The following PDE11A variants were observed in gnomAD, a reference collection of about 807,000 sequenced individuals.
PDE11A encodes dual 3',5'-cyclic-AMP and -GMP phosphodiesterase 11A.
PDE11A carries 100 observed loss-of-function variants against 100.5 expected under a neutral mutation model. That is an observed-to-expected ratio of 1.00 (90% CI 0.85 to 1.18). The LOEUF (loss-of-function observed/expected upper bound fraction) is 1.18, where lower values mean the gene tolerates loss of function less well. PDE11A is among the 50% of genes most tolerant of loss of function. The pLI, the probability that PDE11A is intolerant of heterozygous loss-of-function variation, is 0.00. For missense variants in PDE11A, 1,141 were observed against 1,152.6 expected, an observed-to-expected ratio of 0.99 and a Z score of 0.15; for synonymous variants, 381 against 420.8, an observed-to-expected ratio of 0.91 and a Z score of 1.16.
At chr2:177,838,897 T>A (rs891840380) in intron 6 of PDE11A, among the ~76,000 whole-genome samples, 9 of 152,086 alleles carry the variant, frequency 5.9e-5, no homozygotes, top group Non-Finnish European at 1.3e-4. Flanking sequence ...ATTTAGTGTA[T>A]AAAAACTGAG....
intron 19 of PDE11A, among the ~76,000 whole-genome samples, chr2:177,647,369 C>T (rs577482455): frequency 2.0e-5 from 3 of 152,080 alleles, no homozygotes; most frequent in South Asian, 2.1e-4. Context: ...TTTACAAATA[C>T]AGAATTGCCA....
At chr2:177,857,584 T>A (rs1304607226) in intron 5 of PDE11A, among the ~76,000 whole-genome samples, 1 of 151,958 alleles carries the variant, frequency 6.6e-6, no homozygotes, top group Non-Finnish European at 1.5e-5. Context: ...TTTTGTATAC[T>A]ATGGATACAA....
At chr2:177,727,023 A>G (rs1032586478) in intron 12 of PDE11A, among the ~76,000 whole-genome samples, 1 of 152,116 alleles carries the variant, frequency 6.6e-6, no homozygotes, top group Non-Finnish European at 1.5e-5. Context: ...GATTTGTTTC[A>G]ATATTTGCCA....
rs2079852676 is a variant in PDE11A at position 177,627,338 on chromosome 2, T to C, written c.*2069A>G. 6.6e-6 allele frequency: 1 copy of C among 151,876 alleles called. No individual in the cohort carries two copies. The highest frequency in any genetic ancestry group is 2.1e-4 in the South Asian group (1 of 4,770). The allele number at this position is 151,876 out of a possible 1,614,324, so 9.4% of individuals were successfully genotyped here. On this transcript the variant is annotated 3_prime_UTR_variant, in exon 20 of 20. Coordinates refer to ENST00000286063, the MANE Select transcript of PDE11A (RefSeq NM_016953.4). ...GGCGTGAGCCACCGCGCCCGGTCTA[T>C]ACATTTCTTTTACTTTGTTTCTTGC...
intron 9 of PDE11A, among the ~76,000 whole-genome samples, chr2:177,774,708 C>A (rs191716167): frequency 6.6e-6 from 1 of 152,282 alleles, no homozygotes; most frequent in Non-Finnish European, 1.5e-5. Flanking sequence ...TATTCGTCTG[C>A]CTACATTACT....
At chr2:178,001,644 T>A (rs1342101364) in intron 2 of PDE11A, among the ~76,000 whole-genome samples, 1 of 152,214 alleles carries the variant, frequency 6.6e-6, no homozygotes, top group African/African-American at 2.4e-5. Context: ...AGTTCCAAAC[T>A]TGTTTCCTTA....
At chr2:177,987,551 C>T (rs907377483) in intron 2 of PDE11A, among the ~76,000 whole-genome samples, 2 of 152,198 alleles carry the variant, frequency 1.3e-5, no homozygotes, top group African/African-American at 4.8e-5. Context: ...CAGTGAGCCA[C>T]TCCACACTTT....
chr2:177,902,377 C>T (rs2084711012), intron 3 of PDE11A, among the ~76,000 whole-genome samples: 2 of 152,196 alleles, frequency 1.3e-5, no homozygotes, highest in South Asian at 4.1e-4. Flanking sequence ...CCTGCCTGCA[C>T]CCAGGTGAAA....
chr2:177,850,728 T>C (rs1487942554), intron 5 of PDE11A, among the ~76,000 whole-genome samples: 1 of 152,128 alleles, frequency 6.6e-6, no homozygotes, highest in African/African-American at 2.4e-5. Context: ...GGGCGAAGGA[T>C]ATGAACAGAC....
intron 7 of PDE11A, 64 bp from the exon 8 acceptor site, chr2:177,817,989 G>C: frequency 2.4e-6 from 2 of 816,508 alleles, no homozygotes; most frequent in Middle Eastern, 2.2e-4. Context: ...CTCTAATAGA[G>C]TAGCCACAGC....
At chr2:178,040,061 CT>C (rs5836641) in intron 1 of PDE11A, among the ~76,000 whole-genome samples, 2,332 of 109,688 alleles carry the variant, frequency 0.021, 22 homozygotes, top group African/African-American at 0.056. Flanking sequence ...AATGTAGTGG[CT>C]TTTTTTTTTT....
chr2:177,647,850 T>C (rs148758352), intron 19 of PDE11A, among the ~76,000 whole-genome samples: 495 of 152,322 alleles, frequency 3.2e-3, no homozygotes, highest in African/African-American at 0.011. Flanking sequence ...CCAACCTCAG[T>C]AGCTCATGCC....
intron 17 of PDE11A, 35 bp from the exon 18 acceptor site, chr2:177,669,602 T>C: frequency 1.1e-6 from 1 of 920,572 alleles, no homozygotes; most frequent in Non-Finnish European, 1.8e-6. Flanking sequence ...TGTGATTATG[T>C]GTAGTTTATC....
chr2:177,832,357 C>T (rs920183942), intron 6 of PDE11A, among the ~76,000 whole-genome samples: 3 of 152,122 alleles, frequency 2.0e-5, no homozygotes, highest in Admixed American at 6.6e-5. Context: ...ATAAAGCAGG[C>T]ATAAAAATGT....
chr2:177,634,495 T>G (rs1057488800), intron 19 of PDE11A, among the ~76,000 whole-genome samples: 1 of 151,848 alleles, frequency 6.6e-6, no homozygotes, highest in Non-Finnish European at 1.5e-5. Flanking sequence ...TTCAAGCGAT[T>G]CTCTTGCTCA....
At chr2:177,695,485 A>T (rs1404643200) in intron 15 of PDE11A, among the ~76,000 whole-genome samples, 1 of 152,146 alleles carries the variant, frequency 6.6e-6, no homozygotes, top group Non-Finnish European at 1.5e-5. Flanking sequence ...CTGTACTTCT[A>T]CTTGCTAAAT....
chr2:178,071,127 C>G (rs1051829920), intron 1 of PDE11A, among the ~76,000 whole-genome samples: 3 of 152,178 alleles, frequency 2.0e-5, no homozygotes, highest in African/African-American at 4.8e-5. Flanking sequence ...CACCAAAATG[C>G]TCATCTTAAC....
At chr2:177,863,717 AG>A (rs35303018) in intron 5 of PDE11A, among the ~76,000 whole-genome samples, 82,685 of 151,708 alleles carry the variant, frequency 0.55, 24,538 homozygotes, top group East Asian at 0.74. Flanking sequence ...TGTGGAGAAA[AG>A]AGAACTCTTT....
At chr2:177,979,972 T>A (rs953821038) in intron 2 of PDE11A, among the ~76,000 whole-genome samples, 1 of 150,542 alleles carries the variant, frequency 6.6e-6, no homozygotes, top group African/African-American at 2.4e-5. Context: ...TTTGTTTCAA[T>A]AAATAATGAT....
Sources: allele counts gnomAD v4.1 joint callset (sites outside exome capture counted in the v4.1 genomes callset), GRCh38; gene constraint gnomAD v4.1.1; transcripts MANE v1.5; gene names NCBI Gene and HGNC (gene_info 2026-07-23, HGNC 2026-07-21).